Variants in BYSL observed in about 807,000 individuals in gnomAD.
BYSL encodes the protein bystin.
In BYSL, 21 loss-of-function variants were observed where a neutral mutation model predicts 45.4. The observed-to-expected ratio is 0.46, with a 90% CI of 0.33 to 0.67. BYSL has a LOEUF of 0.67. Among genes scored for constraint, BYSL ranks in the 30% least tolerant of loss-of-function variants. BYSL has a pLI of 0.02. For missense variants in BYSL, 522 were observed against 578.5 expected, an observed-to-expected ratio of 0.90 and a Z score of 1.00; for synonymous variants, 215 against 231.3, an observed-to-expected ratio of 0.93 and a Z score of 0.64.
chr6:41,923,983 C>A (rs1775528409), intron 1 of BYSL, among the ~76,000 whole-genome samples: 1 of 152,108 alleles, frequency 6.6e-6, no homozygotes, highest in Non-Finnish European at 1.5e-5. Context: ...AGAGGCCTAT[C>A]CACTCCATTT....
intron 3 of BYSL, 90 bp downstream of exon 3, chr6:41,930,360 A>C (rs972640662): frequency 6.7e-7 from 1 of 1,482,266 alleles, no homozygotes; most frequent in Non-Finnish European, 9.1e-7. Flanking sequence ...CCTGCATCAC[A>C]TACTAAAGAA....
chr6:41,909,977 C>A, the BYSL span, among the ~76,000 whole-genome samples: 1 of 152,164 alleles, frequency 6.6e-6, no homozygotes, highest in Non-Finnish European at 1.5e-5. Flanking sequence ...TCAGCTTAGC[C>A]TCCTCCCTCT....
rs1775661055 is a variant in BYSL, at chr6:41,932,859, G to A, written c.*153G>A. The stretch of plus-strand genomic sequence containing the variant: ...ATCTGTGGCTCCCAGTCCAGGACAG[G>A]AAGGACTGAGGGTCTGGCTGGTTCC... On this transcript the variant is annotated 3_prime_UTR_variant, in exon 7 of 7. Coordinates refer to ENST00000230340, the MANE Select transcript of BYSL (RefSeq NM_004053.4). This position sits in a 1 kb window ranked among gnomAD's most constrained non-coding sequence, Gnocchi z 4.7. 1 of 826,704 alleles carries A rather than the reference G, an allele frequency of 1.2e-6. No homozygotes were observed. The allele number at this position is 826,704 out of a possible 1,614,324, so 51.2% of individuals were successfully genotyped here. A position where few individuals can be genotyped will look rare whatever the true frequency, so the allele number is the denominator to read the frequency against.
intron 2 of BYSL, among the ~76,000 whole-genome samples, chr6:41,929,146 CCT>C (rs1428484313): frequency 6.6e-6 from 1 of 152,184 alleles, no homozygotes; most frequent in Non-Finnish European, 1.5e-5. Context: ...ACGTGATCCA[CCT>C]CCCTCAGCCT....
chr6:41,920,276 T>TC (rs1775426145), upstream of BYSL, among the ~76,000 whole-genome samples: 1 of 152,166 alleles, frequency 6.6e-6, no homozygotes, highest in Non-Finnish European at 1.5e-5. Context: ...TACCCTTTTT[T>TC]CCTCTAGACC....
At chr6:41,913,983 T>C in the BYSL span, among the ~76,000 whole-genome samples, 1 of 152,228 alleles carries the variant, frequency 6.6e-6, no homozygotes, top group African/African-American at 2.4e-5. Flanking sequence ...AGAAGTACTA[T>C]GATTATCTTC....
At chr6:41,908,944 G>T in the BYSL span, 2 of 377,652 alleles carry the variant, frequency 5.3e-6, no homozygotes, top group East Asian at 7.9e-5. Flanking sequence ...GCACTTTGGG[G>T]GGCTGAGATG....
upstream of BYSL, chr6:41,921,120 A>T (rs1775455848): frequency 6.8e-7 from 1 of 1,478,078 alleles, no homozygotes; most frequent in East Asian, 2.4e-5. Flanking sequence ...CTTCTGTCTC[A>T]GAAGGGACTC....
At chr6:41,917,913 AGCCCTAG>A (rs1455966851), upstream of BYSL, 2 of 348,246 alleles carry the variant, frequency 5.7e-6, no homozygotes, top group Admixed American at 3.5e-5. Flanking sequence ...GCTATTCAAC[AGCCCTAG>A]GAACAAAAAA....
the BYSL span, chr6:41,913,185 G>A: frequency 6.6e-6 from 1 of 152,020 alleles, no homozygotes; most frequent in Non-Finnish European, 1.5e-5. Flanking sequence ...AGAAACTTTG[G>A]CGTGGGGTCT....
chr6:41,911,106 CAA>C, the BYSL span, among the ~76,000 whole-genome samples: 15 of 111,768 alleles, frequency 1.3e-4, no homozygotes, highest in African/African-American at 1.4e-4. Context: ...GACTCCATCT[CAA>C]AAAAAAAAAA....
At chr6:41,924,914 G>A (rs761973293) in intron 1 of BYSL, among the ~76,000 whole-genome samples, 22 of 152,146 alleles carry the variant, frequency 1.4e-4, no homozygotes, top group African/African-American at 2.4e-4. Context: ...AATTGAATAT[G>A]ATTTAGTAAT....
intron 4 of BYSL, 66 bp downstream of exon 4, chr6:41,930,834 CT>C (rs1188207505): frequency 4.7e-5 from 72 of 1,538,634 alleles, no homozygotes; most frequent in Non-Finnish European, 6.3e-5. Flanking sequence ...GACGGACAGG[CT>C]TTCCTTGCCT....
the BYSL span, among the ~76,000 whole-genome samples, chr6:41,916,075 T>G: frequency 1.8e-4 from 27 of 151,832 alleles, no homozygotes; most frequent in Middle Eastern, 3.4e-3. Flanking sequence ...AGGGAGACCC[T>G]GTCTCTACAA....
chr6:41,931,373 T>C (rs768195247), intron 4 of BYSL, 23 bp from the exon 5 acceptor site: 4 of 1,613,630 alleles, frequency 2.5e-6, no homozygotes, highest in South Asian at 1.1e-5. Context: ...AGTTGGAAAC[T>C]TCCCCCGCTT....
At position 41,929,981 on chromosome 6, in the gene BYSL, GCA is replaced by G. The variant is rs1162501297; in HGVS notation, c.432-148_432-147del. On this transcript the variant is annotated intron_variant, in intron 2 of 6. Transcript: ENST00000230340. Reference sequence around the variant, plus strand: ...GATTCTGTCTGTGGTGGATGAATGGGCACAGAGAGAGAACTCTAAGCTGCATA... The same window carrying G: ...GATTCTGTCTGTGGTGGATGAATGGGCAGAGAGAGAACTCTAAGCTGCATA... The G allele has an allele frequency of 3.0e-6, 3 of 991,066 alleles. No individual in the cohort carries two copies. The African/African-American group carries it at 4.9e-5, about 16-fold the overall frequency. The allele number at this position is 991,066 out of a possible 1,614,324, so 61.4% of individuals were successfully genotyped here.
intron 2 of BYSL, among the ~76,000 whole-genome samples, chr6:41,929,181 C>T (rs778139497): frequency 1.3e-4 from 20 of 152,142 alleles, no homozygotes; most frequent in Non-Finnish European, 2.4e-4. Flanking sequence ...GGATTACAAG[C>T]GTGAGCCACT....
Position 41,925,789 on chromosome 6 carries a change from G to A in BYSL, c.269-1585G>A, listed in dbSNP as rs189746254. Reference sequence around the variant, plus strand: ...CAACCTCCACCTCCCGGGTTCAAGCGATTCTCATGCCTCAGCCTTCCCAAG... The same window carrying A: ...CAACCTCCACCTCCCGGGTTCAAGCAATTCTCATGCCTCAGCCTTCCCAAG... On this transcript the variant is annotated intron_variant, in intron 1 of 6. Coordinates refer to ENST00000230340, the MANE Select transcript of BYSL (RefSeq NM_004053.4). Among the ~76,000 whole-genome samples the A allele has an allele frequency of 1.2e-3, 185 of 151,694 alleles. 1 individual carries two copies. Among genetic ancestry groups the A allele is most frequent in the African/African-American group, 4.3e-3 (176 of 41,338 alleles).
At chr6:41,931,263 A>G (rs1775635502) in intron 4 of BYSL, 133 bp from the exon 5 acceptor site, 5 of 1,049,828 alleles carry the variant, frequency 4.8e-6, no homozygotes, top group Admixed American at 4.8e-5. Flanking sequence ...CAGCTCCCAC[A>G]CATCCCCCAC....
Sources: gnomAD v4.1 joint callset for allele counts (sites outside exome capture counted in the v4.1 genomes callset) on GRCh38, gnomAD v4.1.1 for gene constraint, Gnocchi (gnomAD v3.1) non-coding constraint, MANE v1.5 for transcripts, NCBI Gene and HGNC (gene_info 2026-07-23, HGNC 2026-07-21) for gene names.